ABLIM3: variants seen among roughly 807,000 people sequenced by gnomAD.
ABLIM3 encodes the protein actin binding LIM protein family member 3.
ABLIM3 carries 61 observed loss-of-function variants against 109.5 expected under a neutral mutation model. That is an observed-to-expected ratio of 0.56 (90% CI 0.45 to 0.69). The LOEUF (loss-of-function observed/expected upper bound fraction) is 0.69. Ranked by LOEUF, ABLIM3 falls within the 30% of genes least tolerant of loss-of-function variation. The pLI, the probability that ABLIM3 is intolerant of heterozygous loss-of-function variation, is 0.00. For synonymous variants in ABLIM3, 300 were observed against 324.8 expected (o/e 0.92, Z 0.82); for missense variants, 796 against 889.5 (o/e 0.89, Z 1.34).
intron 2 of ABLIM3, among the ~76,000 whole-genome samples, chr5:149,170,851 A>C (rs948244119): frequency 1.3e-5 from 2 of 151,952 alleles, no homozygotes; most frequent in African/African-American, 4.8e-5. Flanking sequence ...CTTTCCTCCT[A>C]CTGTCTTTTG....
intron 14 of ABLIM3, among the ~76,000 whole-genome samples, chr5:149,241,375 C>A (rs1265370663): frequency 6.6e-6 from 1 of 152,320 alleles, no homozygotes; most frequent in East Asian, 1.9e-4. Flanking sequence ...ATAAATAAAA[C>A]AGGCCATCCT....
At chr5:149,168,053 A>G (rs1754985695) in intron 2 of ABLIM3, among the ~76,000 whole-genome samples, 1 of 152,214 alleles carries the variant, frequency 6.6e-6, no homozygotes, top group Non-Finnish European at 1.5e-5. Flanking sequence ...CCTATAGCAC[A>G]CGCACACATA....
chr5:149,163,934 T>G (rs1415328402), intron 2 of ABLIM3: 2 of 152,228 alleles, frequency 1.3e-5, no homozygotes, highest in Non-Finnish European at 2.9e-5. Context: ...CCCTTCTTGT[T>G]GGTCACACAA....
At chr5:149,255,654 G>A (rs1380382241) in intron 23 of ABLIM3, among the ~76,000 whole-genome samples, 1 of 152,148 alleles carries the variant, frequency 6.6e-6, no homozygotes, top group African/African-American at 2.4e-5. Context: ...GAACTTTCTG[G>A]GCAGAGGGAA....
At chr5:149,200,516 C>A in intron 5 of ABLIM3, 88 bp downstream of exon 5, 10 of 1,397,304 alleles carry the variant, frequency 7.2e-6, no homozygotes, top group Non-Finnish European at 1.0e-5. Context: ...CTCCCACGGG[C>A]CTGGAGGGAA....
chr5:149,163,029 G>C (rs141415811), intron 2 of ABLIM3, among the ~76,000 whole-genome samples: 2 of 152,234 alleles, frequency 1.3e-5, no homozygotes, highest in South Asian at 4.1e-4. Flanking sequence ...CAGGGTCTGC[G>C]ACAGGCTGGG....
At chr5:149,232,610 C>T (rs1426641733) in intron 9 of ABLIM3, among the ~76,000 whole-genome samples, 1 of 152,196 alleles carries the variant, frequency 6.6e-6, no homozygotes, top group African/African-American at 2.4e-5. Context: ...GATCAAGAAT[C>T]CAAGATGCCT....
chr5:149,232,636 A>G (rs1761968553), intron 9 of ABLIM3, among the ~76,000 whole-genome samples: 1 of 152,144 alleles, frequency 6.6e-6, no homozygotes, highest in African/African-American at 2.4e-5. Context: ...CACATACTTC[A>G]CCTGTGGGTC....
chr5:149,149,822 A>T (rs1753266155), intron 2 of ABLIM3, among the ~76,000 whole-genome samples: 1 of 152,150 alleles, frequency 6.6e-6, no homozygotes, highest in South Asian at 2.1e-4. Flanking sequence ...TAAGAAACAA[A>T]CAAAGAGAAG....
rs1164593785 is a variant in ABLIM3, at chr5:149,141,543, C to T, written c.-199C>T. On this transcript the variant is annotated 5_prime_UTR_variant, in exon 1 of 24. Coordinates refer to ENST00000309868, the MANE Select transcript of ABLIM3 (RefSeq NM_014945.5). Reference sequence around the variant, plus strand: ...CCCGCATCATGGATGTCGAGCTCCCCTATTTCGCATTGCTAGCCCTGGAAT... The same window carrying T: ...CCCGCATCATGGATGTCGAGCTCCCTTATTTCGCATTGCTAGCCCTGGAAT... The T allele has an allele frequency of 6.5e-6, 1 of 153,670 alleles. No individual in the cohort carries two copies. The highest frequency in any genetic ancestry group is 1.5e-5 in the Non-Finnish European group (1 of 68,830). 9.5% of individuals were successfully genotyped at this position (153,670 alleles called of 1,614,324 possible).
Position 149,199,849 on chromosome 5 carries a change from G to A in ABLIM3, c.336-467G>A, listed in dbSNP as rs544625916. On this transcript the variant is annotated intron_variant, in intron 4 of 23. Transcript: ENST00000309868. ...CTGTGGAAACTGAACAAATCCAGAT[G>A]AGGAGAGTAAAAGATTATTTACAGA... Among the ~76,000 whole-genome samples the A allele has an allele frequency of 3.9e-5, 6 of 152,356 alleles. No homozygotes were observed. The South Asian group carries it at 1.2e-3, about 32-fold the overall frequency.
chr5:149,225,548 G>A (rs933935968), intron 8 of ABLIM3, among the ~76,000 whole-genome samples: 2 of 152,126 alleles, frequency 1.3e-5, no homozygotes, highest in Non-Finnish European at 2.9e-5. Flanking sequence ...TTTTTATGTG[G>A]ATGAAGATTT....
chr5:149,242,376 T>C, intron 14 of ABLIM3, 115 bp from the exon 15 acceptor site: 2 of 1,018,740 alleles, frequency 2.0e-6, no homozygotes, highest in South Asian at 1.4e-5. Flanking sequence ...TTGGAAAAAG[T>C]TGTTGCCCAT....
intron 6 of ABLIM3, among the ~76,000 whole-genome samples, chr5:149,209,708 G>A (rs140656476): frequency 1.9e-4 from 29 of 152,298 alleles, no homozygotes; most frequent in Admixed American, 1.8e-3. Flanking sequence ...CTGATTGAGC[G>A]GGGGAGGAGG....
chr5:149,215,640 C>A (rs1760003547), intron 7 of ABLIM3, among the ~76,000 whole-genome samples: 1 of 152,110 alleles, frequency 6.6e-6, no homozygotes, highest in Admixed American at 6.5e-5. Flanking sequence ...TGGACAGGGA[C>A]CTTTAAGAAC....
At position 149,183,587 on chromosome 5, in the gene ABLIM3, A is replaced by G; in HGVS notation, c.149A>G (p.Gln50Arg). 1.3e-6 allele frequency: 2 copies of G among 1,543,684 alleles called. No individual in the cohort carries two copies. Among genetic ancestry groups the G allele is most frequent in the Non-Finnish European group, 1.7e-6 (2 of 1,145,254 alleles). Residue 50 changes from glutamine to arginine, a missense_variant and splice_region_variant, in exon 3 of 24, where the codon CAA becomes CGA. By Grantham distance (43) the Gln-to-Arg change is conservative. Coordinates refer to ENST00000309868, the MANE Select transcript of ABLIM3 (RefSeq NM_014945.5). ...TTCCACATCAGATGCTTCACCTGTC[A>G]AGGTAGGAGGCTCAGCTCCCCCACT... ...NHFHIRCFTC[Q>R]VCGCGLAQSG...
At chr5:149,223,277 G>T (rs553477364) in intron 8 of ABLIM3, among the ~76,000 whole-genome samples, 1 of 152,076 alleles carries the variant, frequency 6.6e-6, no homozygotes, top group South Asian at 2.1e-4. Flanking sequence ...CCATTTTCTC[G>T]CCTGTCACAT....
Position 149,217,061 on chromosome 5 carries a change from C to A in ABLIM3, c.757+15C>A, listed in dbSNP as rs561615553. ...GTACCTCACAGGTAAGTAAATCTGA[C>A]CCTCTGTAAGGCCTTCCGACCTGCT... On this transcript the variant is annotated intron_variant, in intron 8 of 23. Transcript: ENST00000309868. 6.2e-7 allele frequency: 1 copy of A among 1,612,540 alleles called. No individual in the cohort carries two copies. Among genetic ancestry groups the A allele is most frequent in the Non-Finnish European group, 8.5e-7 (1 of 1,178,764 alleles).
rs376272159 is a variant in ABLIM3, at chr5:149,200,443, C to T, written c.448+15C>T. The T allele has an allele frequency of 2.8e-5, 45 of 1,609,626 alleles. No homozygotes were observed. The highest frequency in any genetic ancestry group is 3.3e-4 in the Middle Eastern group (2 of 6,048). ...TGGACCAAGCCGTGAGTCCTCCCCA[C>T]GGGTATCTCCCTGTCCATGGGTGTG... On this transcript the variant is annotated intron_variant, in intron 5 of 23. Coordinates refer to ENST00000309868, the MANE Select transcript of ABLIM3 (RefSeq NM_014945.5).
Sources: gnomAD v4.1 joint callset for allele counts (sites outside exome capture counted in the v4.1 genomes callset) on GRCh38, gnomAD v4.1.1 for gene constraint, MANE v1.5 for transcripts, NCBI Gene and HGNC (gene_info 2026-07-23, HGNC 2026-07-21) for gene names.